GHR: variants seen among roughly 807,000 people sequenced by gnomAD.
GHR encodes the protein growth hormone receptor.
Under a neutral mutation model 67.1 loss-of-function variants are expected in GHR, and 35 were observed. The observed-to-expected ratio is 0.52, with a 90% CI of 0.40 to 0.69. The LOEUF is 0.69. Among genes scored for constraint, GHR ranks in the 30% least tolerant of loss-of-function variants. The pLI, the probability that GHR is intolerant of heterozygous loss-of-function variation, is 0.00. For synonymous variants in GHR, 272 were observed against 269.1 expected (o/e 1.01, Z -0.10); for missense variants, 792 against 764.6 (o/e 1.04, Z -0.42).
chr5:42,557,435 T>C (rs1749370190), intron 1 of GHR, among the ~76,000 whole-genome samples: 1 of 152,152 alleles, frequency 6.6e-6, no homozygotes, highest in African/African-American at 2.4e-5. Flanking sequence ...TAATAAAACA[T>C]AAATAGTCTA....
At position 42,574,630 on chromosome 5, in the gene GHR, A is replaced by G. The variant is rs185280356; in HGVS notation, c.70+8686A>G. On this transcript the variant is annotated intron_variant, in intron 2 of 9. Transcript: ENST00000230882. ...CAGTATGACCTGGCTATTTTGTCTT[A>G]CTTCTATATTTGATTGCTAAAAATA... 1.6e-3 allele frequency among the ~76,000 whole-genome samples: 247 copies of G among 152,376 alleles called. 2 individuals carry two copies. Among genetic ancestry groups the G allele is most frequent in the Middle Eastern group, 6.8e-3 (2 of 294 alleles).
At chr5:42,506,616 C>T (rs375479474) in intron 1 of GHR, among the ~76,000 whole-genome samples, 1 of 152,104 alleles carries the variant, frequency 6.6e-6, no homozygotes, top group East Asian at 1.9e-4. Flanking sequence ...ATTTTAGTCC[C>T]TCTAGCCTGA....
intron 3 of GHR, among the ~76,000 whole-genome samples, chr5:42,683,723 A>T (rs1757001006): frequency 6.6e-6 from 1 of 152,222 alleles, no homozygotes; most frequent in Non-Finnish European, 1.5e-5. Context: ...GAAGGGAAAG[A>T]AAGACATTTA....
At chr5:42,465,009 T>C (rs765987960) in intron 1 of GHR, among the ~76,000 whole-genome samples, 10 of 152,260 alleles carry the variant, frequency 6.6e-5, no homozygotes, top group Non-Finnish European at 1.2e-4. Flanking sequence ...TTGTTTCCTA[T>C]TGTCAATTGA....
chr5:42,695,132 A>G (rs759081502), intron 5 of GHR, 43 bp downstream of exon 5: 5 of 1,375,270 alleles, frequency 3.6e-6, no homozygotes, highest in Non-Finnish European at 5.2e-6. Context: ...GTTTTAGACT[A>G]AATAAATGGG....
At chr5:42,644,669 T>G (rs1018681218) in intron 3 of GHR, among the ~76,000 whole-genome samples, 2 of 152,080 alleles carry the variant, frequency 1.3e-5, no homozygotes, top group Non-Finnish European at 2.9e-5. Flanking sequence ...AGAAAGTTTT[T>G]AGCTTTTAGA....
chr5:42,686,944 A>G (rs1309582856), intron 3 of GHR, among the ~76,000 whole-genome samples: 2 of 152,224 alleles, frequency 1.3e-5, no homozygotes, highest in Non-Finnish European at 2.9e-5. Context: ...GTCTCAGCCC[A>G]AAATCTCCTT....
At chr5:42,673,845 C>T (rs979186983) in intron 3 of GHR, among the ~76,000 whole-genome samples, 18 of 152,090 alleles carry the variant, frequency 1.2e-4, no homozygotes, top group Admixed American at 1.1e-3. Flanking sequence ...GTGATGGGAT[C>T]AATCATACCC....
At chr5:42,602,544 T>C (rs1752430407) in intron 2 of GHR, among the ~76,000 whole-genome samples, 1 of 152,208 alleles carries the variant, frequency 6.6e-6, no homozygotes, top group Non-Finnish European at 1.5e-5. Flanking sequence ...AGATTTAAGC[T>C]TGCCATTTTG....
intron 1 of GHR, chr5:42,465,453 C>T (rs1183909226): frequency 3.1e-5 from 49 of 1,580,626 alleles, no homozygotes; most frequent in Non-Finnish European, 4.0e-5. Flanking sequence ...AAAGTCATCT[C>T]TTTTGGACCC....
rs374508888 is a variant in GHR, at chr5:42,572,270, T to A, written c.70+6326T>A. The stretch of plus-strand genomic sequence containing the variant: ...AACCACCTGCTTATCCACAGTACTG[T>A]GCACCTAGCTTGTCATCAGGCAGAG... On this transcript the variant is annotated intron_variant, in intron 2 of 9. Transcript: ENST00000230882. Among the ~76,000 whole-genome samples the A allele has an allele frequency of 2.6e-4, 40 of 152,266 alleles. No individual in the cohort carries two copies. The South Asian group carries it at 8.3e-3, about 32-fold the overall frequency.
chr5:42,465,387 T>C (rs1744681440), intron 1 of GHR: 2 of 1,179,290 alleles, frequency 1.7e-6, no homozygotes, highest in East Asian at 2.3e-5. Flanking sequence ...TATAAAGGGA[T>C]TGAAGAGGTT....
chr5:42,638,383 A>T (rs1381308950), intron 3 of GHR, among the ~76,000 whole-genome samples: 1 of 152,202 alleles, frequency 6.6e-6, no homozygotes, highest in African/African-American at 2.4e-5. Context: ...ACAGTCATGC[A>T]TCACTTAACA....
chr5:42,467,733 G>C, intron 1 of GHR: 2 of 1,559,350 alleles, frequency 1.3e-6, no homozygotes, highest in Non-Finnish European at 1.8e-6. Flanking sequence ...GTTTCTCCCC[G>C]GTGTGGATTC....
intron 1 of GHR, among the ~76,000 whole-genome samples, chr5:42,463,992 CAAAAAAAAAAAA>C (rs70991406): frequency 4.3e-5 from 2 of 46,524 alleles, no homozygotes; most frequent in African/African-American, 8.3e-5. Flanking sequence ...GACTCCGTCT[CAAAAAAAAAAAA>C]AAAAAAAAAA....
At chr5:42,638,849 AAAAT>A (rs1345183857) in intron 3 of GHR, among the ~76,000 whole-genome samples, 2 of 152,232 alleles carry the variant, frequency 1.3e-5, no homozygotes, top group African/African-American at 2.4e-5. Flanking sequence ...CTTGTGTAAA[AAAAT>A]AAATAATTTT....
At chr5:42,565,557 A>G in intron 1 of GHR, 1 of 985,380 alleles carries the variant, frequency 1.0e-6, no homozygotes, top group Non-Finnish European at 1.2e-6. Context: ...CTGTTACTGA[A>G]GCTGTGCATG....
At chr5:42,527,484 A>C (rs1180915147) in intron 1 of GHR, among the ~76,000 whole-genome samples, 1 of 152,214 alleles carries the variant, frequency 6.6e-6, no homozygotes, top group Non-Finnish European at 1.5e-5. Context: ...CATAATGGTA[A>C]ACGGTTCAAT....
At chr5:42,525,881 C>T (rs1747686425) in intron 1 of GHR, among the ~76,000 whole-genome samples, 1 of 152,144 alleles carries the variant, frequency 6.6e-6, no homozygotes. Flanking sequence ...TCTTTTGCCT[C>T]CTGCCATGAT....
Sources: gnomAD v4.1 joint callset for allele counts (sites outside exome capture counted in the v4.1 genomes callset) on GRCh38, gnomAD v4.1.1 for gene constraint, MANE v1.5 for transcripts, NCBI Gene and HGNC (gene_info 2026-07-23, HGNC 2026-07-21) for gene names.